Variants in CEP112 observed in about 807,000 individuals in gnomAD.
CEP112 encodes the protein centrosomal protein 112.
A neutral mutation model predicts 153.0 loss-of-function variants in CEP112; 127 were observed. That is an observed-to-expected ratio of 0.83 (90% confidence interval 0.72 to 0.96). CEP112 has a LOEUF of 0.96. Ranked by LOEUF, CEP112 falls within the 40% of genes least tolerant of loss-of-function variation. The pLI is 0.00. For synonymous variants in CEP112, 358 were observed against 374.4 expected (o/e 0.96, Z 0.51); for missense variants, 1,089 against 1,101.2 (o/e 0.99, Z 0.16).
In CEP112 at chr17:65,635,863, T is replaced by TA; in HGVS notation, c.*107dup. 1.7e-6 allele frequency: 2 copies of TA among 1,186,656 alleles called. No individual in the cohort carries two copies. Among genetic ancestry groups the TA allele is most frequent in the Non-Finnish European group, 2.4e-6 (2 of 825,732 alleles). 73.5% of individuals were successfully genotyped at this position (1,186,656 alleles called of 1,614,324 possible). On this transcript the variant is annotated 3_prime_UTR_variant, in exon 27 of 27. Transcript: ENST00000535342. ...ATGATCTTAATTACATTTAAGGATT[T>TA]AAAAAATGCCACTGATCTCACAGTT...
chr17:65,971,844 A>C (rs907255408), intron 17 of CEP112, among the ~76,000 whole-genome samples: 1 of 152,246 alleles, frequency 6.6e-6, no homozygotes, highest in Non-Finnish European at 1.5e-5. Flanking sequence ...AAGTAAATTT[A>C]CAGTACTTAA....
At chr17:65,795,319 C>A (rs1259837464) in intron 21 of CEP112, among the ~76,000 whole-genome samples, 1 of 152,080 alleles carries the variant, frequency 6.6e-6, no homozygotes, top group African/African-American at 2.4e-5. Flanking sequence ...TACTAGGTGC[C>A]AAGGCTTTGC....
chr17:65,677,446 A>AT (rs1440590232), intron 24 of CEP112, among the ~76,000 whole-genome samples: 1 of 152,154 alleles, frequency 6.6e-6, no homozygotes, highest in African/African-American at 2.4e-5. Context: ...CTAACTATAT[A>AT]TTTTTTCTAC....
chr17:65,825,035 A>G (rs1270333954), intron 21 of CEP112, among the ~76,000 whole-genome samples: 2 of 152,260 alleles, frequency 1.3e-5, no homozygotes, highest in Non-Finnish European at 2.9e-5. Flanking sequence ...CCATGTTCAC[A>G]AAAACATTAT....
chr17:65,891,645 T>C (rs975536625), intron 20 of CEP112, among the ~76,000 whole-genome samples: 3 of 152,178 alleles, frequency 2.0e-5, no homozygotes, highest in Admixed American at 6.6e-5. Context: ...AATCAAATCA[T>C]GTCACCTTAC....
intron 23 of CEP112, among the ~76,000 whole-genome samples, chr17:65,732,608 G>A (rs1231196333): frequency 6.6e-6 from 1 of 152,206 alleles, no homozygotes; most frequent in African/African-American, 2.4e-5. Flanking sequence ...GTCATTTAGT[G>A]TAGTCACCTT....
intron 20 of CEP112, 103 bp downstream of exon 20, chr17:65,902,049 A>G: frequency 1.5e-6 from 1 of 653,776 alleles, no homozygotes; most frequent in Non-Finnish European, 2.4e-6. Flanking sequence ...CAGTTTTGCA[A>G]ATGATCAAAC....
intron 6 of CEP112, among the ~76,000 whole-genome samples, chr17:66,125,884 T>C (rs973113888): frequency 6.6e-6 from 1 of 152,212 alleles, no homozygotes. Context: ...AACATAATTT[T>C]CTTAGGATAA....
At chr17:65,880,751 T>C (rs2059032760) in intron 20 of CEP112, among the ~76,000 whole-genome samples, 1 of 152,108 alleles carries the variant, frequency 6.6e-6, no homozygotes. Context: ...CTGACCAGAG[T>C]ATGGACACAT....
At chr17:66,133,026 G>A (rs891163830) in intron 4 of CEP112, among the ~76,000 whole-genome samples, 1 of 150,784 alleles carries the variant, frequency 6.6e-6, no homozygotes, top group Non-Finnish European at 1.5e-5. Flanking sequence ...GAGACAGTGC[G>A]AGACTCATCT....
intron 23 of CEP112, among the ~76,000 whole-genome samples, chr17:65,712,184 T>C (rs544439098): frequency 2.4e-4 from 37 of 152,254 alleles, no homozygotes; most frequent in African/African-American, 8.9e-4. Context: ...ATTTAATGGA[T>C]AGGTACTTGA....
intron 21 of CEP112, among the ~76,000 whole-genome samples, chr17:65,777,950 G>C (rs990597738): frequency 5.9e-5 from 9 of 152,168 alleles, no homozygotes; most frequent in Non-Finnish European, 7.4e-5. Flanking sequence ...CATTTCCACT[G>C]CCTTACCCAA....
chr17:66,035,004 ATATATT>A (rs1568411521), intron 12 of CEP112, among the ~76,000 whole-genome samples: 25 of 103,390 alleles, frequency 2.4e-4, no homozygotes, highest in African/African-American at 4.2e-4. Context: ...ATATATATAT[ATATATT>A]TTTTTTTTTA....
At chr17:66,100,095 T>C (rs1255165541) in intron 6 of CEP112, among the ~76,000 whole-genome samples, 2 of 151,886 alleles carry the variant, frequency 1.3e-5, no homozygotes, top group South Asian at 2.1e-4. Flanking sequence ...ACAAAAATCA[T>C]CCAAGAAATG....
At chr17:65,837,400 C>T (rs538232125) in intron 21 of CEP112, among the ~76,000 whole-genome samples, 38 of 151,676 alleles carry the variant, frequency 2.5e-4, no homozygotes, top group African/African-American at 8.5e-4. Context: ...ATGTGGGGAG[C>T]GCCTCTGCCC....
intron 2 of CEP112, among the ~76,000 whole-genome samples, chr17:66,181,463 A>C (rs1193395328): frequency 6.6e-6 from 1 of 152,022 alleles, no homozygotes; most frequent in Non-Finnish European, 1.5e-5. Flanking sequence ...CTCCTGCCTC[A>C]GCCTCCCAAG....
At chr17:66,066,935 T>G in intron 9 of CEP112, 58 bp from the exon 10 acceptor site, 2 of 1,074,280 alleles carry the variant, frequency 1.9e-6, no homozygotes, top group Non-Finnish European at 2.5e-6. Context: ...TAGGACACTT[T>G]TTTGAATCCT....
chr17:65,877,240 A>G (rs1419213862), intron 20 of CEP112, among the ~76,000 whole-genome samples: 1 of 152,252 alleles, frequency 6.6e-6, no homozygotes, highest in Non-Finnish European at 1.5e-5. Context: ...AGGTGTGACC[A>G]GGAAGTACAG....
At chr17:66,031,814 C>T (rs1003170871) in intron 12 of CEP112, among the ~76,000 whole-genome samples, 1 of 152,028 alleles carries the variant, frequency 6.6e-6, no homozygotes, top group Non-Finnish European at 1.5e-5. Context: ...AGTTTGAAAA[C>T]ATCATAGAGA....
Sources: gnomAD v4.1 joint callset for allele counts (sites outside exome capture counted in the v4.1 genomes callset) on GRCh38, gnomAD v4.1.1 for gene constraint, MANE v1.5 for transcripts, NCBI Gene and HGNC (gene_info 2026-07-23, HGNC 2026-07-21) for gene names.